ANGEL1: variants seen among roughly 807,000 people sequenced by gnomAD.
ANGEL1 encodes the protein RNA 2',3'-cyclic phosphatase ANGEL1.
A neutral mutation model predicts 76.4 loss-of-function variants in ANGEL1; 62 were observed. That is an observed-to-expected ratio of 0.81 (90% CI 0.66 to 1.00). The LOEUF is 1.00. Ranked by LOEUF, ANGEL1 falls within the 50% of genes least tolerant of loss-of-function variation. ANGEL1 has a pLI of 0.00. For synonymous variants in ANGEL1, 340 were observed against 331.7 expected (o/e 1.03, Z -0.27); for missense variants, 737 against 836.7 (o/e 0.88, Z 1.47).
Position 76,802,462 on chromosome 14 carries a change from G to T in ANGEL1, c.1618+909C>A, listed in dbSNP as rs555604844. 1.5e-4 allele frequency among the ~76,000 whole-genome samples: 23 copies of T among 152,198 alleles called. No homozygotes were observed. In the South Asian group the frequency reaches 4.8e-3, roughly 32 times the overall value. On this transcript the variant is annotated intron_variant, in intron 7 of 9. Transcript: ENST00000251089. ...TTCAAGTAACGGGAATTTTCTTTTT[G>T]ACACAGGGTTATGTCAGCATCCTTT...
Position 76,789,002 on chromosome 14 carries a change from G to C in ANGEL1, c.*226C>G. On this transcript the variant is annotated 3_prime_UTR_variant, in exon 10 of 10. Coordinates refer to ENST00000251089, the MANE Select transcript of ANGEL1 (RefSeq NM_015305.4). ...CTTCTGCCTCTCCCAGGGCCACTGA[G>C]TGTGTGGCACAGGATTAGGAAGAGG... 1.9e-6 allele frequency: 1 copy of C among 533,330 alleles called. No individual in the cohort carries two copies. Among genetic ancestry groups the C allele is most frequent in the Non-Finnish European group, 3.3e-6 (1 of 305,734 alleles). 33.0% of individuals were successfully genotyped at this position (533,330 alleles called of 1,614,324 possible).
intron 7 of ANGEL1, among the ~76,000 whole-genome samples, chr14:76,793,127 T>C (rs2140209713): frequency 6.6e-6 from 1 of 151,748 alleles, no homozygotes; most frequent in South Asian, 2.1e-4. Context: ...AAATTCCATC[T>C]ACAATAGCAT....
At chr14:76,802,152 C>A (rs949397512) in intron 7 of ANGEL1, among the ~76,000 whole-genome samples, 3 of 151,766 alleles carry the variant, frequency 2.0e-5, no homozygotes, top group Non-Finnish European at 2.9e-5. Flanking sequence ...AGCCTGGTGA[C>A]AGAGTGAGAC....
intron 9 of ANGEL1, among the ~76,000 whole-genome samples, 192 bp from the exon 10 acceptor site, chr14:76,789,580 C>T (rs1475827791): frequency 6.6e-6 from 1 of 152,046 alleles, no homozygotes; most frequent in Non-Finnish European, 1.5e-5. Flanking sequence ...ATATCATCAA[C>T]GAATAAAGAC....
chr14:76,787,834 G>C lies in ANGEL1; in HGVS notation c.*1394C>G, dbSNP rs1439031045. On this transcript the variant is annotated 3_prime_UTR_variant, in exon 10 of 10. Transcript: ENST00000251089. Reference sequence around the variant, plus strand: ...GAGATGTGTGGAGGGGCTGGCCCAGGATCTCCCAAGGCCACACCCCAGCAA... The same window carrying C: ...GAGATGTGTGGAGGGGCTGGCCCAGCATCTCCCAAGGCCACACCCCAGCAA... 1 of 152,566 alleles carries C rather than the reference G, an allele frequency of 6.6e-6. No homozygotes were observed. Among genetic ancestry groups the C allele is most frequent in the African/African-American group, 2.4e-5 (1 of 41,442 alleles). The allele number at this position is 152,566 out of a possible 1,614,324, so 9.5% of individuals were successfully genotyped here.
At position 76,789,185 on chromosome 14, in the gene ANGEL1, T is replaced by G; in HGVS notation, c.*43A>C. ...GATTTTTCCACAGTCTCTGATCCAG[T>G]GAGCTCTTCTGGAAGAGAAGCTCTC... On this transcript the variant is annotated 3_prime_UTR_variant, in exon 10 of 10. Coordinates refer to ENST00000251089, the MANE Select transcript of ANGEL1 (RefSeq NM_015305.4). 1 of 1,608,648 alleles carries G rather than the reference T, an allele frequency of 6.2e-7. No homozygotes were observed. The highest frequency in any genetic ancestry group is 8.5e-7 in the Non-Finnish European group (1 of 1,177,392).
Position 76,807,928 on chromosome 14 carries a change from G to T in ANGEL1, c.870C>A (p.Asp290Glu), listed in dbSNP as rs766676791. ...VNLMQEFQHWDPDILCLQEVQ... is the reference protein window; with the variant it reads ...VNLMQEFQHWEPDILCLQEVQ... ...ATTCCCCCTCTTCACTCACATCAGG[G>T]TCCCAGTGCTGGAATTCCTGCATGA... The change falls in exon 3 of 10, where the codon GAC becomes GAA. Residue 290 changes from aspartate (D) to glutamate (E), a missense_variant. By Grantham distance (45) the Asp-to-Glu change is conservative. Coordinates refer to ENST00000251089, the MANE Select transcript of ANGEL1 (RefSeq NM_015305.4). 2 of 1,613,756 alleles carry T rather than the reference G, an allele frequency of 1.2e-6. No homozygotes were observed. The highest frequency in any genetic ancestry group is 1.7e-6 in the Non-Finnish European group (2 of 1,180,010).
intron 1 of ANGEL1, chr14:76,810,284 G>T (rs967580408): frequency 2.2e-6 from 1 of 451,436 alleles, no homozygotes; most frequent in Admixed American, 2.4e-5. Context: ...AGCCAAGTAC[G>T]GTGGCACATG....
Position 76,806,798 on chromosome 14 carries a change from G to C in ANGEL1, c.998C>G (p.Ala333Gly), listed in dbSNP as rs766554523. 1.9e-5 allele frequency: 31 copies of C among 1,614,048 alleles called. No homozygotes were observed. The Middle Eastern group carries it at 4.9e-4, about 26-fold the overall frequency. Residue 333 changes from alanine (A) to glycine (G), a missense_variant, in exon 5 of 10, where the codon GCT becomes GGT. Around this residue, in one of 2 missense-constraint regions of ANGEL1, gnomAD observed 441 missense variants for 449.5 expected, o/e 0.98. Transcript: ENST00000251089. Reference protein sequence around the residue: ...RRTGCKTDGCAVCYKPTRFRL... With the variant: ...RRTGCKTDGCGVCYKPTRFRL... ...GAATCTGGTAGGCTTGTAGCAGACA[G>C]CACAGCCATCGGTTTTACACCCAGT...
intron 1 of ANGEL1, among the ~76,000 whole-genome samples, chr14:76,810,931 A>T (rs1895065287): frequency 6.6e-6 from 1 of 152,024 alleles, no homozygotes; most frequent in African/African-American, 2.4e-5. Context: ...CAATCACTAG[A>T]CTCATTTTAT....
chr14:76,809,571 G>A lies in ANGEL1; in HGVS notation c.137C>T (p.Ala46Val). The change falls in exon 2 of 10, where the codon GCC becomes GTC. Residue 46 changes from alanine (A) to valine (V), a missense_variant. Ala to Val is a moderately conservative substitution (Grantham distance 64, BLOSUM62 0). Coordinates refer to ENST00000251089, the MANE Select transcript of ANGEL1 (RefSeq NM_015305.4). ...CTGCTCAGGGCCCCGAGGGGCCATG[G>A]CAAAGTCGCCCTCTACCTGGGGGGA... ...SSSPQVEGDF[A>V]MAPRGPEQEE... 1 of 1,614,204 alleles carries A rather than the reference G, an allele frequency of 6.2e-7. No individual in the cohort carries two copies. Among genetic ancestry groups the A allele is most frequent in the Non-Finnish European group, 8.5e-7 (1 of 1,180,060 alleles).
At chr14:76,811,023 A>C (rs1054624099) in intron 1 of ANGEL1, among the ~76,000 whole-genome samples, 8 of 152,176 alleles carry the variant, frequency 5.3e-5, no homozygotes, top group African/African-American at 1.9e-4. Context: ...TTTGGGGTCT[A>C]TGTATATTTA....
intron 9 of ANGEL1, 125 bp from the exon 10 acceptor site, chr14:76,789,513 C>T: frequency 1.9e-6 from 2 of 1,032,906 alleles, no homozygotes; most frequent in South Asian, 3.1e-5. Flanking sequence ...CACTGCCCCT[C>T]ACCTCCTCTT....
At chr14:76,802,638 C>T (rs1000997428) in intron 7 of ANGEL1, among the ~76,000 whole-genome samples, 1 of 151,864 alleles carries the variant, frequency 6.6e-6, no homozygotes, top group Non-Finnish European at 1.5e-5. Flanking sequence ...CAAAACGGGT[C>T]CAGAGACTCT....
chr14:76,810,489 T>C (rs1361639771), intron 1 of ANGEL1, among the ~76,000 whole-genome samples: 1 of 152,012 alleles, frequency 6.6e-6, no homozygotes, highest in Non-Finnish European at 1.5e-5. Context: ...TTGAACTAGA[T>C]AATCTCTGAG....
At chr14:76,804,712 A>G (rs1235209010) in intron 5 of ANGEL1, among the ~76,000 whole-genome samples, 3 of 152,184 alleles carry the variant, frequency 2.0e-5, no homozygotes, top group Non-Finnish European at 4.4e-5. Flanking sequence ...AATATCTCCT[A>G]CTATAAAATG....
At chr14:76,807,878 G>A in intron 3 of ANGEL1, 44 bp downstream of exon 3, 1 of 1,600,324 alleles carries the variant, frequency 6.2e-7, no homozygotes, top group Middle Eastern at 2.1e-4. Context: ...CAACAGCCCA[G>A]GTCCAGCAAC....
At position 76,794,313 on chromosome 14, in the gene ANGEL1, A is replaced by G. The variant is rs189465941; in HGVS notation, c.1619-2947T>C. 7.9e-5 allele frequency among the ~76,000 whole-genome samples: 12 copies of G among 152,332 alleles called. No homozygotes were observed. The East Asian group carries it at 1.2e-3, about 15-fold the overall frequency. Reference sequence around the variant, plus strand: ...TTTCATCTCAATAAAGCTGTTCAAAAAAAAGGATATGGGAATGTTACGAAC... The same window carrying G: ...TTTCATCTCAATAAAGCTGTTCAAAGAAAAGGATATGGGAATGTTACGAAC... On this transcript the variant is annotated intron_variant, in intron 7 of 9. Transcript: ENST00000251089.
rs1049264870 is a variant in ANGEL1, at chr14:76,786,544, A to G, written c.*2684T>C. The G allele has an allele frequency of 2.6e-5, 4 of 152,220 alleles. No individual in the cohort carries two copies. Among genetic ancestry groups the G allele is most frequent in the African/African-American group, 9.7e-5 (4 of 41,444 alleles). The allele number at this position is 152,220 out of a possible 1,614,324, so 9.4% of individuals were successfully genotyped here. ...GAAGCAACCAAGTGGCTTTAAATCAATCAGATTCTCAGAGACTGATTCAGA... is the reference window on the plus strand; with the variant it reads ...GAAGCAACCAAGTGGCTTTAAATCAGTCAGATTCTCAGAGACTGATTCAGA... On this transcript the variant is annotated 3_prime_UTR_variant, in exon 10 of 10. Coordinates refer to ENST00000251089, the MANE Select transcript of ANGEL1 (RefSeq NM_015305.4).
Sources: allele counts gnomAD v4.1 joint callset (sites outside exome capture counted in the v4.1 genomes callset), GRCh38; gene constraint gnomAD v4.1.1; regional missense constraint gnomAD v4.1.1; transcripts MANE v1.5; gene names NCBI Gene and HGNC (gene_info 2026-07-23, HGNC 2026-07-21).